The following ITPKB variants were observed in gnomAD, a reference collection of about 807,000 sequenced individuals.
ITPKB encodes inositol-trisphosphate 3-kinase B.
A neutral mutation model predicts 69.4 loss-of-function variants in ITPKB; 13 were observed. That is an observed-to-expected ratio of 0.19 (90% CI 0.12 to 0.30). The LOEUF is 0.30. Among genes scored for constraint, ITPKB ranks in the 10% least tolerant of loss-of-function variants. ITPKB has a pLI of 1.00. For missense variants in ITPKB, 1,240 were observed against 1,250.5 expected, an observed-to-expected ratio of 0.99 and a Z score of 0.13; for synonymous variants, 584 against 513.7, an observed-to-expected ratio of 1.14 and a Z score of -1.85.
intron 2 of ITPKB, among the ~76,000 whole-genome samples, chr1:226,718,075 C>A (rs1657137808): frequency 6.6e-6 from 1 of 152,086 alleles, no homozygotes; most frequent in Non-Finnish European, 1.5e-5. Context: ...GCAGGCGGAT[C>A]ACAAGGTCAG....
chr1:226,653,731 G>A (rs989516147), intron 2 of ITPKB, among the ~76,000 whole-genome samples: 14 of 152,224 alleles, frequency 9.2e-5, no homozygotes, highest in African/African-American at 2.2e-4. Flanking sequence ...GGAGACACAC[G>A]GCTTTTACTT....
At chr1:226,693,876 G>A (rs1017043483) in intron 2 of ITPKB, among the ~76,000 whole-genome samples, 4 of 152,160 alleles carry the variant, frequency 2.6e-5, no homozygotes, top group Admixed American at 6.5e-5. Context: ...TGATCCATGC[G>A]GCCCTACCCA....
intron 2 of ITPKB, among the ~76,000 whole-genome samples, chr1:226,706,645 GA>G (rs1571867116): frequency 6.6e-6 from 1 of 152,302 alleles, no homozygotes. Flanking sequence ...ATAAGACCCA[GA>G]AAACTCAGTT....
Position 226,737,239 on chromosome 1 carries a change from C to T in ITPKB, c.220G>A (p.Gly74Ser), listed in dbSNP as rs77775944. 15,144 of 1,558,598 alleles carry T rather than the reference C, an allele frequency of 9.7e-3. 682 individuals carry two copies. Among genetic ancestry groups the T allele is most frequent in the Admixed American group, 0.097 (5,120 of 52,832 alleles). Reference sequence around the variant, plus strand: ...AGCCTGCGCCGGCCGCTCCGCCAGCCCCCGGGGCTCCGGGGCTCCTCGGGG... The same window carrying T: ...AGCCTGCGCCGGCCGCTCCGCCAGCTCCCGGGGCTCCGGGGCTCCTCGGGG... ...LSPEEPRSPG[G>S]WRSGRRRLNS... Residue 74 changes from glycine (G) to serine (S), a missense_variant, in exon 2 of 8, where the codon GGC (glycine) becomes AGC (serine). Transcript: ENST00000429204.
At chr1:226,731,412 G>A (rs1657585375) in intron 2 of ITPKB, among the ~76,000 whole-genome samples, 1 of 152,150 alleles carries the variant, frequency 6.6e-6, no homozygotes, top group African/African-American at 2.4e-5. Context: ...TCAATCAATT[G>A]GTCTCAAGCA....
intron 2 of ITPKB, among the ~76,000 whole-genome samples, chr1:226,729,473 C>T (rs781697310): frequency 1.5e-5 from 2 of 130,254 alleles, no homozygotes; most frequent in African/African-American, 2.9e-5. Flanking sequence ...CAGAGCGAGA[C>T]TCCACCTCAA....
At chr1:226,719,133 GC>G (rs950618390) in intron 2 of ITPKB, among the ~76,000 whole-genome samples, 6 of 152,162 alleles carry the variant, frequency 3.9e-5, no homozygotes, top group Admixed American at 3.3e-4. Flanking sequence ...AAAAAAAGTA[GC>G]CAGTTGTGGT....
chr1:226,693,447 C>G (rs991728168), intron 2 of ITPKB, among the ~76,000 whole-genome samples: 6 of 152,144 alleles, frequency 3.9e-5, no homozygotes, highest in Non-Finnish European at 7.4e-5. Flanking sequence ...CTACTGGGTC[C>G]GTAGAGATCA....
intron 2 of ITPKB, among the ~76,000 whole-genome samples, chr1:226,693,402 T>A (rs2102782581): frequency 6.6e-6 from 1 of 152,334 alleles, no homozygotes; most frequent in East Asian, 1.9e-4. Flanking sequence ...GAGTCACTGC[T>A]TTAGAATTTA....
intron 2 of ITPKB, chr1:226,657,358 T>C (rs1055767968): frequency 6.6e-6 from 1 of 152,250 alleles, no homozygotes; most frequent in Non-Finnish European, 1.5e-5. Flanking sequence ...ATTCTCTTCT[T>C]AGCCTCTTTT....
chr1:226,721,816 C>CTTT (rs1009629370), intron 2 of ITPKB, among the ~76,000 whole-genome samples: 1 of 139,952 alleles, frequency 7.1e-6, no homozygotes, highest in South Asian at 2.3e-4. Flanking sequence ...TCTTTTCTTT[C>CTTT]TTTTTTTTTT....
rs1438388418 is a variant in ITPKB at position 226,737,240 on chromosome 1, C to G, written c.219G>C (p.Gly73=). ...GCCTGCGCCGGCCGCTCCGCCAGCCCCCGGGGCTCCGGGGCTCCTCGGGGG... is the reference window on the plus strand; with the variant it reads ...GCCTGCGCCGGCCGCTCCGCCAGCCGCCGGGGCTCCGGGGCTCCTCGGGGG... ...SLSPEEPRSP[G]GWRSGRRRLN... Residue 73 remains glycine (G), a synonymous_variant, in exon 2 of 8, where the codon GGG becomes GGC. Transcript: ENST00000429204. The G allele has an allele frequency of 3.2e-6, 5 of 1,558,942 alleles. No homozygotes were observed. The highest frequency in any genetic ancestry group is 1.9e-5 in the Admixed American group (1 of 52,852).
intron 2 of ITPKB, chr1:226,675,214 C>G (rs193009580): frequency 6.6e-6 from 1 of 151,688 alleles, no homozygotes; most frequent in East Asian, 1.9e-4. Flanking sequence ...CACGACCCAC[C>G]GGGTGCTGAG....
rs146578593 is a variant in ITPKB, at chr1:226,684,897, G to A, written c.1933-36126C>T. Among the ~76,000 whole-genome samples the A allele has an allele frequency of 7.9e-5, 12 of 152,308 alleles. No individual in the cohort carries two copies. The East Asian group carries it at 2.1e-3, about 27-fold the overall frequency. On this transcript the variant is annotated intron_variant, in intron 2 of 7. Coordinates refer to ENST00000429204, the MANE Select transcript of ITPKB (RefSeq NM_002221.4). ...TGCCCATCATGGAGGGCCCCTGCCT[G>A]CCTCCAGCGCTCCACCGTTCACACC...
At position 226,633,125 on chromosome 1, in the gene ITPKB, T is replaced by C. The variant is rs1367871618; in HGVS notation, c.*1546A>G. 1 of 152,254 alleles carries C rather than the reference T, an allele frequency of 6.6e-6. No homozygotes were observed. Among genetic ancestry groups the C allele is most frequent in the Non-Finnish European group, 1.5e-5 (1 of 68,048 alleles). The allele number at this position is 152,254 out of a possible 1,614,324, so 9.4% of individuals were successfully genotyped here. On this transcript the variant is annotated 3_prime_UTR_variant, in exon 8 of 8. Coordinates refer to ENST00000429204, the MANE Select transcript of ITPKB (RefSeq NM_002221.4). ...TTTCCTTTTTTAAAATCTGTACTTA[T>C]ACATCCTCATGTGTCCCACCCTCCA...
chr1:226,727,439 AAG>A (rs2102647699), intron 2 of ITPKB, among the ~76,000 whole-genome samples: 1 of 152,318 alleles, frequency 6.6e-6, no homozygotes, highest in East Asian at 1.9e-4. Context: ...GCAGCATACC[AAG>A]AGAGATTGCA....
At chr1:226,696,798 A>C (rs1216038260) in intron 2 of ITPKB, among the ~76,000 whole-genome samples, 1 of 152,174 alleles carries the variant, frequency 6.6e-6, no homozygotes, top group African/African-American at 2.4e-5. Flanking sequence ...CAGAGCTGAG[A>C]CACTGCAGAG....
chr1:226,681,601 G>C (rs986820969), intron 2 of ITPKB, among the ~76,000 whole-genome samples: 2 of 152,152 alleles, frequency 1.3e-5, no homozygotes, highest in African/African-American at 4.8e-5. Context: ...GAGGTAAAAG[G>C]TTTGATTTAA....
intron 2 of ITPKB, among the ~76,000 whole-genome samples, chr1:226,720,833 C>T (rs1441895585): frequency 2.6e-5 from 4 of 151,552 alleles, no homozygotes; most frequent in Non-Finnish European, 2.9e-5. Flanking sequence ...GGGCAGATCA[C>T]GCGGTTCAAG....
Sources: gnomAD v4.1 joint callset for allele counts (sites outside exome capture counted in the v4.1 genomes callset) on GRCh38, gnomAD v4.1.1 for gene constraint, MANE v1.5 for transcripts, NCBI Gene and HGNC (gene_info 2026-07-23, HGNC 2026-07-21) for gene names.